Variants in HOOK3 observed in about 807,000 individuals in gnomAD.
HOOK3 encodes hook microtubule tethering protein 3.
In HOOK3, 24 loss-of-function variants were observed where a neutral mutation model predicts 116.3. The observed-to-expected ratio is 0.21, with a 90% CI of 0.15 to 0.29. HOOK3 has a LOEUF of 0.29. Ranked by LOEUF, HOOK3 falls within the 10% of genes least tolerant of loss-of-function variation. HOOK3 has a pLI of 1.00. For synonymous variants in HOOK3, 275 were observed against 283.0 expected (o/e 0.97, Z 0.28); for missense variants, 632 against 830.2 (o/e 0.76, Z 2.93).
At chr8:42,993,751 AT>A (rs1479254028) in intron 15 of HOOK3, among the ~76,000 whole-genome samples, 1 of 152,060 alleles carries the variant, frequency 6.6e-6, no homozygotes, top group Non-Finnish European at 1.5e-5. Context: ...GTGTCTAGGA[AT>A]TTATCCATTT....
intron 11 of HOOK3, among the ~76,000 whole-genome samples, chr8:42,971,120 T>C (rs1808719514): frequency 6.6e-6 from 1 of 151,876 alleles, no homozygotes; most frequent in Admixed American, 6.6e-5. Context: ...ATCCTTTTTT[T>C]TCTTCTTAAT....
intron 11 of HOOK3, among the ~76,000 whole-genome samples, chr8:42,972,966 A>G (rs1283958420): frequency 2.0e-5 from 3 of 152,162 alleles, no homozygotes; most frequent in Non-Finnish European, 2.9e-5. Flanking sequence ...ATGCAATTAG[A>G]ATCGCCCTGC....
At chr8:42,951,292 C>G (rs569086990) in intron 6 of HOOK3, among the ~76,000 whole-genome samples, 3 of 150,328 alleles carry the variant, frequency 2.0e-5, no homozygotes, top group Admixed American at 1.3e-4. Flanking sequence ...AACTCCTGAG[C>G]CTCAGGTGAT....
chr8:42,935,507 G>C (rs1448303184), intron 4 of HOOK3, among the ~76,000 whole-genome samples: 1 of 151,996 alleles, frequency 6.6e-6, no homozygotes, highest in East Asian at 1.9e-4. Context: ...TTTCTTCTAG[G>C]GTTTTTATGG....
intron 17 of HOOK3, among the ~76,000 whole-genome samples, chr8:43,004,801 A>G (rs780343161): frequency 3.9e-5 from 6 of 151,928 alleles, no homozygotes; most frequent in Non-Finnish European, 7.4e-5. Context: ...ATTCTCATCC[A>G]TTGCTGGTAG....
intron 15 of HOOK3, among the ~76,000 whole-genome samples, chr8:42,995,621 T>G (rs1012711417): frequency 3.3e-5 from 5 of 152,194 alleles, no homozygotes; most frequent in Non-Finnish European, 7.3e-5. Flanking sequence ...TCCACATGGC[T>G]CCCAAATCTG....
intron 2 of HOOK3, among the ~76,000 whole-genome samples, chr8:42,911,530 T>C (rs1274066118): frequency 6.6e-6 from 1 of 152,136 alleles, no homozygotes; most frequent in Admixed American, 6.5e-5. Flanking sequence ...AAATTGGATT[T>C]ACATTTTGAA....
chr8:42,976,040 A>ATATG (rs146604728), intron 13 of HOOK3, among the ~76,000 whole-genome samples: 27 of 148,840 alleles, frequency 1.8e-4, no homozygotes, highest in East Asian at 9.9e-4. Flanking sequence ...GTATATATAT[A>ATATG]TGTGTGTGTG....
chr8:42,972,401 C>T (rs868107097), intron 11 of HOOK3, among the ~76,000 whole-genome samples: 23 of 152,040 alleles, frequency 1.5e-4, no homozygotes, highest in African/African-American at 5.6e-4. Flanking sequence ...TTCCAAGTTA[C>T]CCCTTTTTTC....
At chr8:42,990,511 T>C (rs1809139918) in intron 15 of HOOK3, among the ~76,000 whole-genome samples, 1 of 151,538 alleles carries the variant, frequency 6.6e-6, no homozygotes, top group Non-Finnish European at 1.5e-5. Flanking sequence ...GCTAATTTTT[T>C]CTATTTTTTT....
In HOOK3 at chr8:43,029,684, A is replaced by G. The variant is rs1586641929; in HGVS notation, c.*11186A>G. The stretch of plus-strand genomic sequence containing the variant: ...TAGTAAAATTCAAACATATCTAATA[A>G]TAATTTGCCTTAGTTTGATTAATAA... On this transcript the variant is annotated 3_prime_UTR_variant, in exon 22 of 22. Transcript: ENST00000307602. 5.2e-6 allele frequency: 1 copy of G among 194,164 alleles called. No individual in the cohort carries two copies. The highest frequency in any genetic ancestry group is 8.2e-5 in the East Asian group (1 of 12,254). 12.0% of individuals were successfully genotyped at this position (194,164 alleles called of 1,614,324 possible). A position where few individuals can be genotyped will look rare whatever the true frequency, so the allele number is the denominator to read the frequency against.
intron 5 of HOOK3, among the ~76,000 whole-genome samples, chr8:42,950,166 C>T (rs1254458800): frequency 1.3e-5 from 2 of 152,028 alleles, no homozygotes; most frequent in Non-Finnish European, 2.9e-5. Context: ...TAGCTGTAGC[C>T]TCAACTTTAG....
chr8:42,978,758 A>C (rs926125254), intron 13 of HOOK3, among the ~76,000 whole-genome samples: 1 of 152,072 alleles, frequency 6.6e-6, no homozygotes, highest in Non-Finnish European at 1.5e-5. Context: ...CATGTTGGCC[A>C]GGCTGATCTT....
intron 15 of HOOK3, among the ~76,000 whole-genome samples, chr8:42,987,335 T>C (rs1282840817): frequency 3.9e-5 from 6 of 152,190 alleles, no homozygotes; most frequent in Admixed American, 3.9e-4. Context: ...TCTTTACTTC[T>C]TCATGCAAAA....
In HOOK3 at chr8:42,950,419, A is replaced by G. The variant is rs763790511; in HGVS notation, c.432A>G (p.Glu144=). 2 of 1,610,956 alleles carry G rather than the reference A, an allele frequency of 1.2e-6. No homozygotes were observed. The highest frequency in any genetic ancestry group is 2.7e-5 in the African/African-American group (2 of 74,868). ...EYIQAIMMME[E]SVQHVVMTAI... is the part of the protein sequence containing the mutation. Reference sequence around the variant, plus strand: ...TCCAAGCCATTATGATGATGGAGGAATCTGTTCAACATGTTGTCATGACAG... The same window carrying G: ...TCCAAGCCATTATGATGATGGAGGAGTCTGTTCAACATGTTGTCATGACAG... The change falls in exon 6 of 22, where the codon GAA becomes GAG. Residue 144 remains glutamate, a synonymous_variant. Transcript: ENST00000307602.
At chr8:43,005,214 AT>A (rs1178140233) in intron 17 of HOOK3, among the ~76,000 whole-genome samples, 224 of 63,176 alleles carry the variant, frequency 3.5e-3, no homozygotes, top group Non-Finnish European at 4.4e-3. Flanking sequence ...TATATATATA[AT>A]TTTTTTTTTT....
chr8:42,974,786 A>C (rs1192437931), intron 13 of HOOK3, among the ~76,000 whole-genome samples: 2 of 152,216 alleles, frequency 1.3e-5, no homozygotes, highest in Non-Finnish European at 2.9e-5. Flanking sequence ...TCTGAAAAGC[A>C]GTTCGTCTTA....
chr8:42,973,445 T>C (rs1334693280), intron 12 of HOOK3, 46 bp downstream of exon 12: 1 of 1,207,026 alleles, frequency 8.3e-7, no homozygotes, highest in Non-Finnish European at 1.2e-6. Context: ...CTGCTAAAAT[T>C]AAGGCGATTA....
At chr8:42,910,015 C>T (rs1291276738) in intron 2 of HOOK3, among the ~76,000 whole-genome samples, 2 of 152,116 alleles carry the variant, frequency 1.3e-5, no homozygotes, top group African/African-American at 4.8e-5. Flanking sequence ...AGATTTATTG[C>T]AAAGCATGGT....
Sources: gnomAD v4.1 joint callset for allele counts (sites outside exome capture counted in the v4.1 genomes callset) on GRCh38, gnomAD v4.1.1 for gene constraint, MANE v1.5 for transcripts, NCBI Gene and HGNC (gene_info 2026-07-23, HGNC 2026-07-21) for gene names.